ATP10A: variants seen among roughly 807,000 people sequenced by gnomAD.
ATP10A encodes the protein ATPase phospholipid transporting 10A (putative), also known as phospholipid-transporting ATPase VA.
A neutral mutation model predicts 147.8 loss-of-function variants in ATP10A; 111 were observed. The observed-to-expected ratio is 0.75, with a 90% confidence interval of 0.64 to 0.88. The LOEUF is 0.88. Among genes scored for constraint, ATP10A ranks in the 40% least tolerant of loss-of-function variants. The pLI is 0.00. For missense variants in ATP10A, 1,927 were observed against 1,959.0 expected, an observed-to-expected ratio of 0.98 and a Z score of 0.31; for synonymous variants, 875 against 841.6, an observed-to-expected ratio of 1.04 and a Z score of -0.69.
intron 2 of ATP10A, among the ~76,000 whole-genome samples, chr15:25,757,707 A>C (rs1031724533): frequency 3.3e-5 from 5 of 152,220 alleles, no homozygotes; most frequent in African/African-American, 9.6e-5. Context: ...TGTGGTCAAA[A>C]TTGTTAGATA....
Position 25,857,134 on chromosome 15 carries a change from C to T in ATP10A, c.449+5514G>A, listed in dbSNP as rs551665481. On this transcript the variant is annotated intron_variant, in intron 1 of 20. Transcript: ENST00000555815. ...AGATAAGTGGAAATCTGAACACACA[C>T]TGGGTATTTAACAGTATTAGGAAAT... Among the ~76,000 whole-genome samples the T allele has an allele frequency of 7.2e-5, 11 of 152,250 alleles. No homozygotes were observed. In the South Asian group the frequency reaches 2.1e-3, roughly 29 times the overall value.
intron 1 of ATP10A, among the ~76,000 whole-genome samples, chr15:25,832,143 C>T (rs556832888): frequency 6.6e-6 from 1 of 152,200 alleles, no homozygotes; most frequent in Admixed American, 6.5e-5. Context: ...AGACAGGGGA[C>T]GTAAGGACTG....
intron 1 of ATP10A, among the ~76,000 whole-genome samples, chr15:25,822,723 TTA>T (rs1459988083): frequency 3.3e-5 from 5 of 152,204 alleles, no homozygotes; most frequent in African/African-American, 4.8e-5. Context: ...AAAATAATTA[TTA>T]GAGAAAATTA....
At chr15:25,773,496 G>A (rs1849706812) in intron 2 of ATP10A, among the ~76,000 whole-genome samples, 1 of 152,106 alleles carries the variant, frequency 6.6e-6, no homozygotes, top group Admixed American at 6.6e-5. Context: ...CCAATCAGCA[G>A]AAGTGGATTG....
At position 25,708,219 on chromosome 15, in the gene ATP10A, C is replaced by T. The variant is rs776829827; in HGVS notation, c.2426G>A (p.Arg809His). 10 of 1,614,082 alleles carry T rather than the reference C, an allele frequency of 6.2e-6. No individual in the cohort carries two copies. Among genetic ancestry groups the T allele is most frequent in the Middle Eastern group, 1.6e-4 (1 of 6,084 alleles). ...YLNVYAAEGL[R>H]TLCIAKRVLS... ...CACTCTCTTGGCGATGCACAAGGTG[C>T]GCAGGCCTTCCGCCGCATACACGTT... The change falls in exon 11 of 21, where the codon CGC (arginine) becomes CAC (histidine). Residue 809 changes from arginine to histidine, a missense_variant. By Grantham distance (29) the Arg-to-His change is conservative (BLOSUM62 0). Coordinates refer to ENST00000555815, the MANE Select transcript of ATP10A (RefSeq NM_024490.4).
chr15:25,680,394 G>A lies in ATP10A; in HGVS notation c.3679-86C>T, dbSNP rs886086305. On this transcript the variant is annotated intron_variant, in intron 19 of 20. Transcript: ENST00000555815. Reference sequence around the variant, plus strand: ...TAACAAAAACGTGCCAGTCATCAATGAGCAGGTGTGAGGTTCTGAGGCCTT... The same window carrying A: ...TAACAAAAACGTGCCAGTCATCAATAAGCAGGTGTGAGGTTCTGAGGCCTT... 5 of 1,395,462 alleles carry A rather than the reference G, an allele frequency of 3.6e-6. No homozygotes were observed. The African/African-American group carries it at 7.1e-5, about 20-fold the overall frequency. 86.4% of individuals were successfully genotyped at this position (1,395,462 alleles called of 1,614,324 possible). A position where few individuals can be genotyped will look rare whatever the true frequency, so the allele number is the denominator to read the frequency against.
At chr15:25,854,525 G>C (rs1024092653) in intron 1 of ATP10A, among the ~76,000 whole-genome samples, 7 of 152,314 alleles carry the variant, frequency 4.6e-5, no homozygotes, top group Admixed American at 4.6e-4. Flanking sequence ...AAGTGCATAT[G>C]ACAACAAATT....
chr15:25,862,420 C>A (rs1450020610), intron 1 of ATP10A: 1 of 652,602 alleles, frequency 1.5e-6, no homozygotes, highest in Non-Finnish European at 2.8e-6. Context: ...GGGATCCCCA[C>A]GCGTCCCCGC....
chr15:25,765,146 G>C (rs961971648), intron 2 of ATP10A, among the ~76,000 whole-genome samples: 1 of 152,148 alleles, frequency 6.6e-6, no homozygotes, highest in Non-Finnish European at 1.5e-5. Flanking sequence ...GAGCCCTCAT[G>C]ATGAAGTCAG....
In ATP10A at chr15:25,708,031, G is replaced by A. The variant is rs778530761; in HGVS notation, c.2520C>T (p.Ser840=). ...TGGCAGACTGGAAGAGGAGCTCCTC[G>A]CTGTTTTCCAGGGAGGATTCGGCTT... The part of the protein sequence containing the change: ...HLEAESSLEN[S]EELLFQSAIR... Residue 840 remains serine, a synonymous_variant, in exon 12 of 21, where the codon AGC becomes AGT. Coordinates refer to ENST00000555815, the MANE Select transcript of ATP10A (RefSeq NM_024490.4). The A allele has an allele frequency of 9.3e-6, 15 of 1,614,134 alleles. No homozygotes were observed. Among genetic ancestry groups the A allele is most frequent in the South Asian group, 4.4e-5 (4 of 91,086 alleles).
chr15:25,842,430 A>G (rs1892849332), intron 1 of ATP10A, among the ~76,000 whole-genome samples: 1 of 152,030 alleles, frequency 6.6e-6, no homozygotes, highest in South Asian at 2.1e-4. Flanking sequence ...TTTCTTGTTA[A>G]ATTATTTACT....
At chr15:25,786,014 G>C (rs994667014) in intron 1 of ATP10A, among the ~76,000 whole-genome samples, 5 of 152,242 alleles carry the variant, frequency 3.3e-5, no homozygotes, top group African/African-American at 1.2e-4. Context: ...GGGGTCTTAA[G>C]CACAGAGGTG....
intron 12 of ATP10A, among the ~76,000 whole-genome samples, chr15:25,707,361 C>T (rs1901095536): frequency 6.6e-6 from 1 of 152,064 alleles, no homozygotes; most frequent in Admixed American, 6.6e-5. Flanking sequence ...TCCTCAACAC[C>T]AGCTCTTCAA....
intron 2 of ATP10A, among the ~76,000 whole-genome samples, chr15:25,750,149 AT>A (rs1244708664): frequency 6.6e-6 from 1 of 152,044 alleles, no homozygotes; most frequent in Non-Finnish European, 1.5e-5. Flanking sequence ...TACAAAGCAT[AT>A]CATGATCAAT....
At chr15:25,754,481 G>A (rs1435206434) in intron 2 of ATP10A, among the ~76,000 whole-genome samples, 2 of 152,144 alleles carry the variant, frequency 1.3e-5, no homozygotes, top group African/African-American at 4.8e-5. Flanking sequence ...TACTGCAGGA[G>A]GGCGTGAACT....
At chr15:25,701,718 C>T (rs191445080) in intron 13 of ATP10A, among the ~76,000 whole-genome samples, 198 bp downstream of exon 13, 1 of 152,318 alleles carries the variant, frequency 6.6e-6, no homozygotes, top group South Asian at 2.1e-4. Context: ...AAAGCCCAGA[C>T]ATGCATTCCT....
At chr15:25,842,438 A>G (rs549775501) in intron 1 of ATP10A, among the ~76,000 whole-genome samples, 6 of 152,100 alleles carry the variant, frequency 3.9e-5, no homozygotes, top group Admixed American at 3.9e-4. Context: ...TAAATTATTT[A>G]CTTGTAATCA....
chr15:25,858,746 C>G (rs913776281), intron 1 of ATP10A, among the ~76,000 whole-genome samples: 1 of 152,150 alleles, frequency 6.6e-6, no homozygotes. Flanking sequence ...CAGACCCAAG[C>G]ACAGAGCCCA....
Position 25,679,698 on chromosome 15 carries a change from C to G in ATP10A, c.4143G>C (p.Glu1381Asp). The G allele has an allele frequency of 1.2e-6, 2 of 1,613,282 alleles. No homozygotes were observed. The highest frequency in any genetic ancestry group is 2.2e-5 in the South Asian group (2 of 91,082). Residue 1381 changes from glutamate (E) to aspartate (D), a missense_variant, in exon 21 of 21, where the codon GAG becomes GAC. Coordinates refer to ENST00000555815, the MANE Select transcript of ATP10A (RefSeq NM_024490.4). The stretch of plus-strand genomic sequence containing the variant: ...CGCTCAGCCCCTCCAGCAGGGTGTG[C>G]TCCCTCACTGGCATGCTCATGTCCA... ...STVDMSMPVR[E>D]HTLLEGLSAP...
Sources: allele counts gnomAD v4.1 joint callset (sites outside exome capture counted in the v4.1 genomes callset), GRCh38; gene constraint gnomAD v4.1.1; transcripts MANE v1.5; gene names NCBI Gene and HGNC (gene_info 2026-07-23, HGNC 2026-07-21).